Variants in DLGAP2 observed in about 807,000 individuals in gnomAD.
The protein encoded by DLGAP2 is DLG associated protein 2, also known as disks large-associated protein 2.
In DLGAP2, 26 loss-of-function variants were observed where a neutral mutation model predicts 100.3. That is an observed-to-expected ratio of 0.26 (90% CI 0.19 to 0.36). The LOEUF is 0.36. Ranked by LOEUF, DLGAP2 falls within the 10% of genes least tolerant of loss-of-function variation. The pLI is 1.00. For missense variants in DLGAP2, 1,858 were observed against 1,453.2 expected (o/e 1.28, Z -4.53); for synonymous variants, 886 against 630.1 (o/e 1.41, Z -6.08).
intron 2 of DLGAP2, among the ~76,000 whole-genome samples, chr8:1,039,464 ATGTTCAGCTCGGTTTCCG>A (rs2129029818): frequency 1.9e-5 from 2 of 102,640 alleles, no homozygotes; most frequent in East Asian, 6.4e-4. Context: ...CTCGGTATGC[ATGTTCAGCTCGGTTTCCG>A]TGGTCGGCTC....
intron 3 of DLGAP2, among the ~76,000 whole-genome samples, chr8:1,323,363 C>G (rs1403953313): frequency 1.3e-5 from 2 of 152,164 alleles, no homozygotes; most frequent in Non-Finnish European, 2.9e-5. Flanking sequence ...TTTTAAACAA[C>G]CACGATGCAC....
chr8:1,523,053 G>A (rs180736416), intron 4 of DLGAP2, among the ~76,000 whole-genome samples: 7 of 152,304 alleles, frequency 4.6e-5, no homozygotes, highest in Non-Finnish European at 8.8e-5. Context: ...GCAGCACTGG[G>A]GTCACACCCA....
At chr8:1,695,642 AAG>A (rs1193783858) in intron 13 of DLGAP2, among the ~76,000 whole-genome samples, 5 of 152,120 alleles carry the variant, frequency 3.3e-5, no homozygotes, top group South Asian at 2.1e-4. Flanking sequence ...GCACTACAGA[AAG>A]AGGGGCACAG....
At chr8:808,580 A>ATG (rs1796311123) in intron 1 of DLGAP2, among the ~76,000 whole-genome samples, 1 of 152,126 alleles carries the variant, frequency 6.6e-6, no homozygotes, top group Admixed American at 6.5e-5. Flanking sequence ...TGAGGCTGGA[A>ATG]TGTGGGGATG....
At chr8:989,185 G>C (rs572241481) in intron 2 of DLGAP2, among the ~76,000 whole-genome samples, 25 of 152,246 alleles carry the variant, frequency 1.6e-4, no homozygotes, top group African/African-American at 6.0e-4. Flanking sequence ...CAGAGCACTT[G>C]GGGGGCTCTC....
intron 3 of DLGAP2, among the ~76,000 whole-genome samples, chr8:1,492,208 C>G (rs1269820284): frequency 6.6e-6 from 1 of 152,190 alleles, no homozygotes; most frequent in Non-Finnish European, 1.5e-5. Context: ...AAAGAAAAGC[C>G]ATTAGTAATC....
chr8:1,006,289 C>T (rs531934939), intron 2 of DLGAP2, among the ~76,000 whole-genome samples: 160 of 152,314 alleles, frequency 1.1e-3, no homozygotes, highest in African/African-American at 3.2e-3. Context: ...TTTATCACAT[C>T]GAGGACGCCA....
At chr8:1,234,822 C>T (rs1798608716) in intron 2 of DLGAP2, among the ~76,000 whole-genome samples, 1 of 152,322 alleles carries the variant, frequency 6.6e-6, no homozygotes, top group African/African-American at 2.4e-5. Context: ...AGTGAGTTCA[C>T]GGCGTCACGT....
At chr8:879,653 C>T (rs1464581507) in intron 1 of DLGAP2, among the ~76,000 whole-genome samples, 1 of 152,210 alleles carries the variant, frequency 6.6e-6, no homozygotes, top group Non-Finnish European at 1.5e-5. Flanking sequence ...TACAACCTCC[C>T]TTCTGACTCA....
chr8:1,305,419 C>A (rs13255745), intron 3 of DLGAP2, among the ~76,000 whole-genome samples: 1 of 152,122 alleles, frequency 6.6e-6, no homozygotes, highest in South Asian at 2.1e-4. Flanking sequence ...GAAATTAGTC[C>A]TTACAGTTTT....
intron 3 of DLGAP2, among the ~76,000 whole-genome samples, chr8:1,338,217 C>A (rs995036869): frequency 6.6e-6 from 1 of 152,218 alleles, no homozygotes; most frequent in Non-Finnish European, 1.5e-5. Context: ...TATGTCTACA[C>A]AGAAACTCAC....
intron 10 of DLGAP2, among the ~76,000 whole-genome samples, chr8:1,672,294 C>G (rs544986931): frequency 6.7e-6 from 1 of 150,072 alleles, no homozygotes; most frequent in East Asian, 2.0e-4. Context: ...GGCACGATCT[C>G]AGGTCACTGC....
chr8:1,041,412 A>G (rs1281273232), intron 2 of DLGAP2, among the ~76,000 whole-genome samples: 1 of 152,152 alleles, frequency 6.6e-6, no homozygotes, highest in East Asian at 1.9e-4. Context: ...ACTCGGGAGG[A>G]GACAGAGCCT....
At chr8:894,282 G>A (rs1053420818) in intron 1 of DLGAP2, among the ~76,000 whole-genome samples, 1 of 152,246 alleles carries the variant, frequency 6.6e-6, no homozygotes, top group East Asian at 1.9e-4. Context: ...ACTCCAGCAC[G>A]GTCGAGACAT....
intron 1 of DLGAP2, among the ~76,000 whole-genome samples, chr8:901,080 C>G (rs987417390): frequency 6.6e-6 from 1 of 151,872 alleles, no homozygotes; most frequent in Non-Finnish European, 1.5e-5. Flanking sequence ...TGCATGAGGC[C>G]AAGAGTTTGT....
At position 1,704,021 on chromosome 8, in the gene DLGAP2, C is replaced by G. The variant is rs188584644; in HGVS notation, c.*2615C>G. ...AATCAAGTGCAATATACTCAGTTCTCATGCAGGTGACATTCTACCATGAAA... is the reference window on the plus strand; with the variant it reads ...AATCAAGTGCAATATACTCAGTTCTGATGCAGGTGACATTCTACCATGAAA... On this transcript the variant is annotated 3_prime_UTR_variant, in exon 15 of 15. Coordinates refer to ENST00000637795, the MANE Select transcript of DLGAP2 (RefSeq NM_001346810.2). The G allele has an allele frequency of 2.6e-5, 4 of 152,726 alleles. No individual in the cohort carries two copies. Among genetic ancestry groups the G allele is most frequent in the Admixed American group, 2.6e-4 (4 of 15,286 alleles). 9.5% of individuals were successfully genotyped at this position (152,726 alleles called of 1,614,324 possible). A position where few individuals can be genotyped will look rare whatever the true frequency, so the allele number is the denominator to read the frequency against.
chr8:1,187,799 T>C (rs532295289), intron 2 of DLGAP2, among the ~76,000 whole-genome samples: 1,518 of 61,490 alleles, frequency 0.025, 34 homozygotes, highest in African/African-American at 0.089. Context: ...GTTTGCCTCA[T>C]GGAATCTCAC....
rs36040745 is a variant in DLGAP2 at position 1,076,820 on chromosome 8, G to GC, written c.73+168863dup. On this transcript the variant is annotated intron_variant, in intron 2 of 14. Transcript: ENST00000637795. ...AAGGTGGAGGAGGAGTCTGTCCCAGGCCCCCCCCCAAGACCAAGAGGGGGA... is the reference window on the plus strand; with the variant it reads ...AAGGTGGAGGAGGAGTCTGTCCCAGGCCCCCCCCCCAAGACCAAGAGGGGGA... 1.2e-3 allele frequency among the ~76,000 whole-genome samples: 179 copies of GC among 147,130 alleles called. 3 individuals are homozygous for GC. The highest frequency in any genetic ancestry group is 4.5e-3 in the East Asian group (22 of 4,866).
At chr8:1,095,332 C>T (rs1804331704) in intron 2 of DLGAP2, among the ~76,000 whole-genome samples, 1 of 152,182 alleles carries the variant, frequency 6.6e-6, no homozygotes, top group South Asian at 2.1e-4. Context: ...CACCACCTGC[C>T]CTCTGCAGAC....
Sources: gnomAD v4.1 joint callset for allele counts (sites outside exome capture counted in the v4.1 genomes callset) on GRCh38, gnomAD v4.1.1 for gene constraint, MANE v1.5 for transcripts, NCBI Gene and HGNC (gene_info 2026-07-23, HGNC 2026-07-21) for gene names.